The following PTPRT variants were observed in gnomAD, a reference collection of about 807,000 sequenced individuals.
PTPRT encodes receptor-type tyrosine-protein phosphatase T.
Under a neutral mutation model 176.8 loss-of-function variants are expected in PTPRT, and 56 were observed. The observed-to-expected ratio is 0.32, with a 90% CI of 0.26 to 0.40. PTPRT has a LOEUF of 0.40. PTPRT is among the 10% of genes least tolerant of loss of function. The pLI is 1.00. For synonymous variants in PTPRT, 783 were observed against 739.0 expected, an observed-to-expected ratio of 1.06 and a Z score of -0.96; for missense variants, 1,540 against 1,908.2, an observed-to-expected ratio of 0.81 and a Z score of 3.60.
chr20:42,715,669 A>C (rs892349141), intron 6 of PTPRT, among the ~76,000 whole-genome samples: 6 of 152,224 alleles, frequency 3.9e-5, no homozygotes, highest in Admixed American at 2.0e-4. Flanking sequence ...GTGACAGTGC[A>C]GAAAAATATC....
intron 7 of PTPRT, among the ~76,000 whole-genome samples, chr20:42,670,330 T>G (rs1384142541): frequency 3.3e-5 from 5 of 152,082 alleles, no homozygotes; most frequent in Non-Finnish European, 7.4e-5. Context: ...TGGAAGAAAA[T>G]AAATTGAGTC....
At chr20:42,408,595 T>A (rs6030211) in intron 9 of PTPRT, among the ~76,000 whole-genome samples, 1 of 136,702 alleles carries the variant, frequency 7.3e-6, no homozygotes, top group Admixed American at 7.1e-5. Context: ...TTGTGTGAAA[T>A]CTATCCTGTG....
chr20:42,967,459 C>G (rs889933655), intron 1 of PTPRT, among the ~76,000 whole-genome samples: 1 of 151,906 alleles, frequency 6.6e-6, no homozygotes, highest in Non-Finnish European at 1.5e-5. Flanking sequence ...GGCAATGATG[C>G]GGCCACAAAG....
intron 1 of PTPRT, among the ~76,000 whole-genome samples, chr20:42,918,658 C>G (rs1181948389): frequency 2.0e-5 from 3 of 152,188 alleles, no homozygotes; most frequent in Non-Finnish European, 4.4e-5. Flanking sequence ...ACTGTACAAA[C>G]TTGCACATTT....
intron 7 of PTPRT, among the ~76,000 whole-genome samples, chr20:42,511,177 C>T (rs1206682219): frequency 6.6e-6 from 1 of 152,150 alleles, no homozygotes; most frequent in Non-Finnish European, 1.5e-5. Context: ...ACCAGATGTA[C>T]CCTCTGAACC....
chr20:42,902,182 G>GA (rs531612749), intron 1 of PTPRT, among the ~76,000 whole-genome samples: 4 of 152,244 alleles, frequency 2.6e-5, no homozygotes, highest in Admixed American at 1.3e-4. Context: ...CTCTTCTTCT[G>GA]AAAGTGACTT....
At chr20:42,656,352 G>T (rs2075124982) in intron 7 of PTPRT, among the ~76,000 whole-genome samples, 1 of 152,110 alleles carries the variant, frequency 6.6e-6, no homozygotes, top group Non-Finnish European at 1.5e-5. Context: ...ATGTGTTAAC[G>T]CCAGTAAGGG....
intron 9 of PTPRT, among the ~76,000 whole-genome samples, chr20:42,439,812 T>C (rs1367391634): frequency 6.6e-6 from 1 of 152,190 alleles, no homozygotes; most frequent in Non-Finnish European, 1.5e-5. Flanking sequence ...TGGACCGCAA[T>C]AAGGCCCATC....
chr20:42,833,813 C>G (rs555722912), intron 2 of PTPRT, among the ~76,000 whole-genome samples: 1 of 152,060 alleles, frequency 6.6e-6, no homozygotes. Context: ...GACATTCACA[C>G]GGAGCGGGGG....
chr20:42,531,348 A>G (rs1239972628), intron 7 of PTPRT, among the ~76,000 whole-genome samples: 1 of 152,260 alleles, frequency 6.6e-6, no homozygotes, highest in African/African-American at 2.4e-5. Flanking sequence ...AAAAGGGGTT[A>G]TGAACAGGCA....
chr20:42,285,353 T>TA (rs1568739498), intron 12 of PTPRT, among the ~76,000 whole-genome samples: 4 of 151,962 alleles, frequency 2.6e-5, no homozygotes, highest in African/African-American at 9.7e-5. Flanking sequence ...CAAAAAAAGA[T>TA]TTTGAAAGTA....
In PTPRT at chr20:42,213,582, G is replaced by A. The variant is rs566099722; in HGVS notation, c.2343-14194C>T. Among the ~76,000 whole-genome samples, 158 of 152,318 alleles carry A rather than the reference G, an allele frequency of 1.0e-3. 3 individuals carry two copies. The South Asian group carries it at 0.013, about 13-fold the overall frequency. ...GAAATAGGGTCTTTGCAGACGTAAC[G>A]AAGTTAAAATGAGGTCACTAGGGTG... On this transcript the variant is annotated intron_variant, in intron 15 of 30. Transcript: ENST00000373187.
chr20:42,308,317 C>T (rs963676780), intron 12 of PTPRT, among the ~76,000 whole-genome samples: 14 of 152,082 alleles, frequency 9.2e-5, no homozygotes, highest in Admixed American at 9.2e-4. Context: ...TGGATCCGGA[C>T]CCCTTTCCAG....
chr20:42,120,514 C>T (rs560698383), intron 19 of PTPRT, among the ~76,000 whole-genome samples: 76 of 152,316 alleles, frequency 5.0e-4, no homozygotes, highest in African/African-American at 1.6e-3. Flanking sequence ...GTCCCAGGTA[C>T]GGAGAAGACC....
chr20:42,520,625 C>T (rs778847243), intron 7 of PTPRT, among the ~76,000 whole-genome samples: 5 of 152,022 alleles, frequency 3.3e-5, no homozygotes, highest in Admixed American at 6.6e-5. Context: ...CATGCTTACT[C>T]TAACTTCATC....
intron 9 of PTPRT, among the ~76,000 whole-genome samples, chr20:42,372,908 T>C (rs6072708): frequency 0.17 from 25,224 of 152,124 alleles, 2,649 homozygotes; most frequent in Non-Finnish European, 0.23. Flanking sequence ...CAAGAAAAAA[T>C]TTCTGTTCTT....
downstream of PTPRT, among the ~76,000 whole-genome samples, chr20:42,070,173 T>C (rs566574560): frequency 6.6e-6 from 1 of 152,198 alleles, no homozygotes; most frequent in Non-Finnish European, 1.5e-5. Context: ...AAATCCCTCT[T>C]CTTGCCTTCT....
Position 42,721,560 on chromosome 20 carries a change from G to A in PTPRT, c.859+34902C>T, listed in dbSNP as rs537100722. Among the ~76,000 whole-genome samples, 7 of 152,374 alleles carry A rather than the reference G, an allele frequency of 4.6e-5. No individual in the cohort carries two copies. In the East Asian group the frequency reaches 1.3e-3, roughly 29 times the overall value. On this transcript the variant is annotated intron_variant, in intron 6 of 30. Transcript: ENST00000373187. ...ACAAGTGGATACACAGCCATGCTGA[G>A]AAACGGACACAAACAAAGAAGCAGG...
chr20:42,957,897 G>C (rs1002036483), intron 1 of PTPRT, among the ~76,000 whole-genome samples: 2 of 152,000 alleles, frequency 1.3e-5, no homozygotes, highest in African/African-American at 4.8e-5. Context: ...TGTGCAGAAT[G>C]TCTGCTTTAA....
Sources: allele counts gnomAD v4.1 joint callset (sites outside exome capture counted in the v4.1 genomes callset), GRCh38; gene constraint gnomAD v4.1.1; transcripts MANE v1.5; gene names NCBI Gene and HGNC (gene_info 2026-07-23, HGNC 2026-07-21).